The following TMEM131L variants were observed in gnomAD, a reference collection of about 807,000 sequenced individuals.
TMEM131L encodes transmembrane 131 like.
TMEM131L carries 54 observed loss-of-function variants against 192.2 expected under a neutral mutation model. The observed-to-expected ratio is 0.28, with a 90% CI of 0.23 to 0.35. TMEM131L has a LOEUF of 0.35. Among genes scored for constraint, TMEM131L ranks in the 10% least tolerant of loss-of-function variants. The pLI is 1.00. For synonymous variants in TMEM131L, 701 were observed against 704.9 expected (o/e 0.99, Z 0.09); for missense variants, 1,888 against 1,972.9 (o/e 0.96, Z 0.82).
intron 7 of TMEM131L, among the ~76,000 whole-genome samples, chr4:153,570,869 A>G (rs1228373636): frequency 1.3e-5 from 2 of 152,092 alleles, no homozygotes; most frequent in East Asian, 1.9e-4. Context: ...AGTTGTTGAC[A>G]CTTTGGAAGT....
Position 153,539,037 on chromosome 4 carries a change from G to C in TMEM131L, c.240-11036G>C, listed in dbSNP as rs575810164. Among the ~76,000 whole-genome samples the C allele has an allele frequency of 2.6e-5, 4 of 152,336 alleles. No individual in the cohort carries two copies. In the East Asian group the frequency reaches 5.8e-4, roughly 22 times the overall value. ...CCATTATGTGAAAGAAGACGAGAAGGGGGGATATTAGGGGCCAAAGAGCAA... is the reference window on the plus strand; with the variant it reads ...CCATTATGTGAAAGAAGACGAGAAGCGGGGATATTAGGGGCCAAAGAGCAA... On this transcript the variant is annotated intron_variant, in intron 3 of 34. Transcript: ENST00000409959.
At chr4:153,516,333 GAT>G (rs1734728936) in intron 3 of TMEM131L, among the ~76,000 whole-genome samples, 1 of 152,024 alleles carries the variant, frequency 6.6e-6, no homozygotes, top group Non-Finnish European at 1.5e-5. Flanking sequence ...AGGCTCAAGC[GAT>G]CCTCCCACCT....
rs1180733091 is a variant in TMEM131L at position 153,555,054 on chromosome 4, T to C, written c.309-733T>C. On this transcript the variant is annotated intron_variant, in intron 4 of 34. Coordinates refer to ENST00000409959, the MANE Select transcript of TMEM131L (RefSeq NM_001131007.2). The surrounding 1 kb of genome is among the most constrained non-coding windows in gnomAD (Gnocchi z 4.1). Reference sequence around the variant, plus strand: ...TTGAAGCTGTGTATGAAACTTTTCGTAAGTGTATGTTTGTGGAGGGAAGAG... The same window carrying C: ...TTGAAGCTGTGTATGAAACTTTTCGCAAGTGTATGTTTGTGGAGGGAAGAG... Among the ~76,000 whole-genome samples the C allele has an allele frequency of 1.3e-5, 2 of 152,212 alleles. No individual in the cohort carries two copies. Among genetic ancestry groups the C allele is most frequent in the East Asian group, 1.9e-4 (1 of 5,204 alleles).
chr4:153,541,082 C>T (rs958204162), intron 3 of TMEM131L, among the ~76,000 whole-genome samples: 1 of 152,130 alleles, frequency 6.6e-6, no homozygotes, highest in Non-Finnish European at 1.5e-5. Context: ...GAGTGACCTA[C>T]CCTAGCGTCT....
At chr4:153,610,975 A>T (rs1057366892) in intron 25 of TMEM131L, among the ~76,000 whole-genome samples, 11 of 152,268 alleles carry the variant, frequency 7.2e-5, no homozygotes, top group Non-Finnish European at 1.5e-4. Context: ...GTTTCAAATT[A>T]GAAAACAGGC....
chr4:153,630,365 C>T (rs545186547), intron 31 of TMEM131L, among the ~76,000 whole-genome samples: 16 of 152,338 alleles, frequency 1.1e-4, no homozygotes, highest in African/African-American at 3.8e-4. Flanking sequence ...CAGACCCAAC[C>T]AGCTGAACAA....
chr4:153,484,946 C>T (rs1337755299), intron 3 of TMEM131L, among the ~76,000 whole-genome samples: 12 of 147,976 alleles, frequency 8.1e-5, no homozygotes, highest in Admixed American at 6.7e-4. Context: ...GGTGAAACCC[C>T]GTCTCTACTA....
chr4:153,631,253 A>C (rs924034123), intron 31 of TMEM131L, among the ~76,000 whole-genome samples: 1 of 152,226 alleles, frequency 6.6e-6, no homozygotes, highest in Non-Finnish European at 1.5e-5. Flanking sequence ...TTGGGAATTG[A>C]GGGCCCACTG....
At chr4:153,500,836 C>T (rs899092278) in intron 3 of TMEM131L, among the ~76,000 whole-genome samples, 4 of 152,160 alleles carry the variant, frequency 2.6e-5, no homozygotes, top group South Asian at 4.1e-4. Flanking sequence ...CAGGCATGTG[C>T]ACTTTTTTCC....
intron 3 of TMEM131L, among the ~76,000 whole-genome samples, chr4:153,527,282 G>A (rs6535920): frequency 3.6e-5 from 4 of 110,704 alleles, no homozygotes; most frequent in African/African-American, 7.9e-5. Flanking sequence ...TTTTCTTTGT[G>A]GGGGGGCGGT....
intron 28 of TMEM131L, among the ~76,000 whole-genome samples, chr4:153,622,053 C>T (rs775333957): frequency 1.3e-5 from 2 of 152,170 alleles, no homozygotes; most frequent in Non-Finnish European, 2.9e-5. Flanking sequence ...TAGTGCTGCC[C>T]CCCAGCCCCC....
chr4:153,543,864 C>T (rs925967431), intron 3 of TMEM131L, among the ~76,000 whole-genome samples: 9 of 152,216 alleles, frequency 5.9e-5, no homozygotes, highest in African/African-American at 2.2e-4. Flanking sequence ...TCTCTCATTT[C>T]TTTGAATAAT....
rs756206476 is a variant in TMEM131L at position 153,634,266 on chromosome 4, A to G, written c.4403A>G (p.Asn1468Ser). Residue 1468 changes from asparagine to serine, a missense_variant, in exon 33 of 35, where the codon AAT becomes AGT. Asn to Ser is a conservative substitution (Grantham distance 46, BLOSUM62 1). Transcript: ENST00000409959. ...AYCPLELNDY[N>S]AFPEENMNYA... ...TGTCCATTGGAATTGAACGATTACA[A>G]TGCCTTTCCAGAAGGTAAGGGCTCT... 7 of 1,613,470 alleles carry G rather than the reference A, an allele frequency of 4.3e-6. No individual in the cohort carries two copies. In the African/African-American group the frequency reaches 6.7e-5, roughly 15 times the overall value.
At chr4:153,526,570 T>TA (rs1043584654) in intron 3 of TMEM131L, among the ~76,000 whole-genome samples, 1 of 151,590 alleles carries the variant, frequency 6.6e-6, no homozygotes, top group African/African-American at 2.4e-5. Context: ...CCGTCTCTAC[T>TA]AAAAAATACA....
chr4:153,479,932 T>G (rs1443799719), intron 3 of TMEM131L, among the ~76,000 whole-genome samples: 1 of 152,262 alleles, frequency 6.6e-6, no homozygotes, highest in Non-Finnish European at 1.5e-5. Context: ...AGTTCTGGGC[T>G]GGGCACAGTG....
intron 3 of TMEM131L, among the ~76,000 whole-genome samples, chr4:153,495,324 C>CAAAAACAAAAACAAAAAA (rs1733094041): frequency 7.1e-6 from 1 of 141,196 alleles, no homozygotes; most frequent in Non-Finnish European, 1.5e-5. Context: ...CGTCTGAAAA[C>CAAAAACAAAAACAAAAAA]AAAAAAAAAA....
chr4:153,558,943 A>C (rs1391267992), intron 7 of TMEM131L, among the ~76,000 whole-genome samples: 2 of 152,266 alleles, frequency 1.3e-5, no homozygotes. Flanking sequence ...AGGGTTGGCT[A>C]CTTTTTCCCT....
At chr4:153,473,062 G>A (rs1731267618) in intron 2 of TMEM131L, among the ~76,000 whole-genome samples, 2 of 152,164 alleles carry the variant, frequency 1.3e-5, no homozygotes, top group African/African-American at 4.8e-5. Flanking sequence ...TTAAATTGGA[G>A]CCCAGGTGCT....
Position 153,622,999 on chromosome 4 carries a change from G to C in TMEM131L, c.3961G>C (p.Gly1321Arg), listed in dbSNP as rs1467338908. 4.1e-5 allele frequency: 66 copies of C among 1,614,180 alleles called. No individual in the cohort carries two copies. The highest frequency in any genetic ancestry group is 5.5e-5 in the Non-Finnish European group (65 of 1,180,016). ...SSSGSVRASR[G>R]SWGSWSSTSS... ...CTCTGGCAGCGTGCGTGCCAGCCGG[G>C]GCAGCTGGGGGAGCTGGAGCAGCAC... is the stretch of plus-strand genomic sequence containing the variant. The change falls in exon 29 of 35, where the codon GGC (glycine) becomes CGC (arginine). Residue 1321 changes from glycine to arginine, a missense_variant. Physicochemically the swap from Gly to Arg is moderately radical, Grantham distance 125. Transcript: ENST00000409959.
Sources: gnomAD v4.1 joint callset for allele counts (sites outside exome capture counted in the v4.1 genomes callset) on GRCh38, gnomAD v4.1.1 for gene constraint, Gnocchi (gnomAD v3.1) non-coding constraint, MANE v1.5 for transcripts, NCBI Gene and HGNC (gene_info 2026-07-23, HGNC 2026-07-21) for gene names.